Variants in ERC1 observed in about 807,000 individuals in gnomAD.
The protein encoded by ERC1 is RAB6 interacting protein 2.
ERC1 carries 56 observed loss-of-function variants against 132.0 expected under a neutral mutation model. The ratio of observed to expected loss-of-function variants is 0.42; its 90% CI spans 0.34 to 0.53. The LOEUF (loss-of-function observed/expected upper bound fraction) is 0.53. Ranked by LOEUF, ERC1 falls within the 20% of genes least tolerant of loss-of-function variation. ERC1 has a pLI of 0.03. For missense variants in ERC1, 1,202 were observed against 1,349.9 expected (o/e 0.89, Z 1.72); for synonymous variants, 478 against 476.1 (o/e 1.00, Z -0.05).
intron 17 of ERC1, among the ~76,000 whole-genome samples, chr12:1,419,023 G>A (rs754925258): frequency 1.4e-4 from 22 of 151,838 alleles, no homozygotes; most frequent in Non-Finnish European, 2.4e-4. Context: ...TGAGGTCTTC[G>A]TTTCTGAAGG....
At chr12:1,331,405 C>T (rs992487514) in intron 15 of ERC1, among the ~76,000 whole-genome samples, 3 of 152,088 alleles carry the variant, frequency 2.0e-5, no homozygotes, top group Non-Finnish European at 4.4e-5. Flanking sequence ...AGCAGTTATC[C>T]ATCTACTTAC....
At chr12:1,250,190 C>T (rs2076386513) in intron 13 of ERC1, among the ~76,000 whole-genome samples, 1 of 152,152 alleles carries the variant, frequency 6.6e-6, no homozygotes, top group Admixed American at 6.5e-5. Flanking sequence ...GAATATAACA[C>T]GTTGTTTTCC....
chr12:1,454,243 C>G (rs1382207170), intron 18 of ERC1, among the ~76,000 whole-genome samples: 2 of 152,194 alleles, frequency 1.3e-5, no homozygotes, highest in East Asian at 3.8e-4. Context: ...GCTCCACACC[C>G]CTCTCCATGT....
intron 12 of ERC1, among the ~76,000 whole-genome samples, chr12:1,225,502 T>C (rs1193335481): frequency 2.1e-5 from 3 of 146,170 alleles, no homozygotes; most frequent in African/African-American, 7.8e-5. Context: ...ACGGAGTGGT[T>C]GATTGGATAG....
intron 15 of ERC1, among the ~76,000 whole-genome samples, chr12:1,321,325 C>CGT (rs144780111): frequency 0.08 from 11,855 of 148,736 alleles, 553 homozygotes; most frequent in Middle Eastern, 0.14. Context: ...GCATATGATA[C>CGT]GTGTGTGTGT....
chr12:1,450,382 G>T (rs117024820), intron 18 of ERC1, among the ~76,000 whole-genome samples: 1 of 152,100 alleles, frequency 6.6e-6, no homozygotes, highest in Admixed American at 6.5e-5. Flanking sequence ...TAAGGGTTTC[G>T]TATAAATGGA....
intron 17 of ERC1, among the ~76,000 whole-genome samples, chr12:1,428,842 G>A (rs935909268): frequency 1.3e-5 from 2 of 152,182 alleles, no homozygotes; most frequent in Non-Finnish European, 1.5e-5. Context: ...TCTCCCTGAT[G>A]TGCCTTCCTT....
rs759770486 is a variant in ERC1 at position 1,028,573 on chromosome 12, G to C, written c.669+1G>C. 1 of 1,603,018 alleles carries C rather than the reference G, an allele frequency of 6.2e-7. No individual in the cohort carries two copies. The highest frequency in any genetic ancestry group is 8.5e-7 in the Non-Finnish European group (1 of 1,174,612). On this transcript the variant is annotated splice_donor_variant, in intron 2 of 18. Transcript: ENST00000360905. LOFTEE classifies it high-confidence loss of function. ...CAGAGTTGTACAGGAGGAAAACCAG[G>C]TAAGTTCTACGTGTGTTTACCTTTA...
chr12:1,350,044 G>T (rs193075923), intron 15 of ERC1, among the ~76,000 whole-genome samples: 43 of 152,344 alleles, frequency 2.8e-4, no homozygotes, highest in Middle Eastern at 3.4e-3. Flanking sequence ...ACCAAAAGGG[G>T]CTCCTCCTGG....
chr12:1,361,902 T>A (rs1044351012), intron 15 of ERC1, among the ~76,000 whole-genome samples: 1 of 152,226 alleles, frequency 6.6e-6, no homozygotes, highest in Non-Finnish European at 1.5e-5. Context: ...GCCATGGGGC[T>A]GAATTTTATT....
chr12:1,433,485 C>T (rs2092859910), intron 17 of ERC1, among the ~76,000 whole-genome samples: 1 of 152,206 alleles, frequency 6.6e-6, no homozygotes, highest in Admixed American at 6.5e-5. Flanking sequence ...CCTTCACATA[C>T]ATAGAATGTA....
At position 1,431,568 on chromosome 12, in the gene ERC1, A is replaced by T. The variant is rs75331160; in HGVS notation, c.3025-12994A>T. ...CACTTTTTCATATTTAAATTGCATA[A>T]CGATTTTATTTATCAGTTTTTACAT... On this transcript the variant is annotated intron_variant, in intron 17 of 18. Coordinates refer to ENST00000360905, the MANE Select transcript of ERC1 (RefSeq NM_178040.4). Among the ~76,000 whole-genome samples, 579 of 152,308 alleles carry T rather than the reference A, an allele frequency of 3.8e-3. 7 individuals carry two copies. The East Asian group carries it at 0.057, about 15-fold the overall frequency.
At chr12:1,274,545 T>G (rs749954768) in intron 14 of ERC1, among the ~76,000 whole-genome samples, 1 of 151,910 alleles carries the variant, frequency 6.6e-6, no homozygotes, top group African/African-American at 2.4e-5. Context: ...CAGGCTGGAG[T>G]GCAGTGGTGC....
chr12:1,110,444 C>A (rs1017277059), intron 5 of ERC1, 97 bp downstream of exon 5: 2 of 982,956 alleles, frequency 2.0e-6, no homozygotes, highest in Non-Finnish European at 2.9e-6. Context: ...ATTTTACACT[C>A]TTTTATCAGG....
At chr12:1,136,906 T>C (rs1220025764) in intron 7 of ERC1, among the ~76,000 whole-genome samples, 1 of 152,080 alleles carries the variant, frequency 6.6e-6, no homozygotes, top group Non-Finnish European at 1.5e-5. Context: ...TAGAAAACTT[T>C]TCTGACTCTT....
At chr12:1,102,450 A>G (rs1944771454) in intron 3 of ERC1, among the ~76,000 whole-genome samples, 1 of 152,256 alleles carries the variant, frequency 6.6e-6, no homozygotes, top group Admixed American at 6.5e-5. Flanking sequence ...ACAATGGGGT[A>G]AGTGCTCATG....
intron 18 of ERC1, among the ~76,000 whole-genome samples, chr12:1,476,457 A>G (rs1186743278): frequency 1.3e-5 from 2 of 152,172 alleles, no homozygotes; most frequent in Non-Finnish European, 2.9e-5. Flanking sequence ...ACTAAATTAG[A>G]AGAAACATGA....
chr12:1,125,283 C>T (rs983761378), intron 7 of ERC1, among the ~76,000 whole-genome samples: 62 of 152,008 alleles, frequency 4.1e-4, no homozygotes, highest in African/African-American at 1.4e-3. Context: ...CATGAGCCAC[C>T]GCGCCCAGCC....
chr12:1,304,373 A>G (rs925421298), intron 15 of ERC1, among the ~76,000 whole-genome samples: 1 of 152,146 alleles, frequency 6.6e-6, no homozygotes, highest in Non-Finnish European at 1.5e-5. Context: ...GCCTCCCCCA[A>G]CAGTAGACTT....
Sources: gnomAD v4.1 joint callset for allele counts (sites outside exome capture counted in the v4.1 genomes callset) on GRCh38, gnomAD v4.1.1 for gene constraint, MANE v1.5 for transcripts, NCBI Gene and HGNC (gene_info 2026-07-23, HGNC 2026-07-21) for gene names.